PLK1: variants seen among roughly 807,000 people sequenced by gnomAD.
PLK1 encodes serine/threonine-protein kinase PLK1.
In PLK1, 6 loss-of-function variants were observed where a neutral mutation model predicts 56.7. The ratio of observed to expected loss-of-function variants is 0.11; its 90% CI spans 0.06 to 0.21. PLK1 has a LOEUF of 0.21. Among genes scored for constraint, PLK1 ranks in the 10% least tolerant of loss-of-function variants. The pLI, the probability that PLK1 is intolerant of heterozygous loss-of-function variation, is 1.00. For missense variants in PLK1, 546 were observed against 814.4 expected, an observed-to-expected ratio of 0.67 and a Z score of 4.01; for synonymous variants, 298 against 325.0, an observed-to-expected ratio of 0.92 and a Z score of 0.89.
intron 5 of PLK1, 88 bp from the exon 6 acceptor site, chr16:23,687,381 T>C: frequency 8.8e-7 from 1 of 1,136,002 alleles, no homozygotes; most frequent in Non-Finnish European, 1.2e-6. Flanking sequence ...CAGTGGTAGC[T>C]AAGAGAATTT....
intron 6 of PLK1, 65 bp downstream of exon 6, chr16:23,687,689 G>C (rs1243476896): frequency 7.8e-7 from 1 of 1,288,172 alleles, no homozygotes; most frequent in Non-Finnish European, 1.1e-6. Flanking sequence ...GCAGGAGGAG[G>C]CTTGGCCAAC....
chr16:23,683,932 C>G lies in PLK1; in HGVS notation c.879C>G (p.Arg293=). 2 of 1,614,150 alleles carry G rather than the reference C, an allele frequency of 1.2e-6. No individual in the cohort carries two copies. The highest frequency in any genetic ancestry group is 1.7e-6 in the Non-Finnish European group (2 of 1,180,006). The stretch of plus-strand genomic sequence containing the variant: ...TGCTTCAGACAGATCCCACTGCCCG[C>G]CCAACCATTAACGAGCTGCTTAATG... ...QKMLQTDPTA[R]PTINELLNDE... Residue 293 remains arginine, a synonymous_variant, in exon 5 of 10, where the codon CGC becomes CGG. Transcript: ENST00000300093.
At position 23,681,044 on chromosome 16, in the gene PLK1, C is replaced by A. The variant is rs372370451; in HGVS notation, c.708C>A (p.Ser236=). ...KGHSFEVDVW[S]IGCIMYTLLV... ...ACAGTTTCGAGGTGGATGTGTGGTC[C>A]ATTGGGTGTATCATGTAAGTTGGGA... Residue 236 remains serine (S), a synonymous_variant, in exon 3 of 10, where the codon TCC becomes TCA. Transcript: ENST00000300093. 3.1e-6 allele frequency: 5 copies of A among 1,612,924 alleles called. No homozygotes were observed. Among genetic ancestry groups the A allele is most frequent in the Non-Finnish European group, 3.4e-6 (4 of 1,179,590 alleles).
At chr16:23,687,820 T>C (rs773745570) in intron 6 of PLK1, 196 bp downstream of exon 6, 3 of 394,668 alleles carry the variant, frequency 7.6e-6, no homozygotes, top group Non-Finnish European at 1.3e-5. Context: ...TTTTTTACTC[T>C]AGCACCTCGA....
At chr16:23,680,857 A>G in intron 2 of PLK1, 57 bp from the exon 3 acceptor site, 5 of 1,551,878 alleles carry the variant, frequency 3.2e-6, no homozygotes, top group Non-Finnish European at 4.4e-6. Flanking sequence ...AGCCTTCTGC[A>G]TTGACAGATG....
intron 5 of PLK1, among the ~76,000 whole-genome samples, chr16:23,685,481 T>G (rs1424925633): frequency 6.6e-6 from 1 of 151,854 alleles, no homozygotes; most frequent in Non-Finnish European, 1.5e-5. Context: ...CCGAGGTGGG[T>G]GGATTGCCCG....
chr16:23,689,471 C>G lies in PLK1; in HGVS notation c.1426-23C>G. ...GGAGGATCAGACTCTAATTCTGGAACCCCTTACCTACTTTTCATCCAGATC... is the reference window on the plus strand; with the variant it reads ...GGAGGATCAGACTCTAATTCTGGAAGCCCTTACCTACTTTTCATCCAGATC... On this transcript the variant is annotated intron_variant, in intron 8 of 9. Transcript: ENST00000300093. The surrounding 1 kb of genome is among the most constrained non-coding windows in gnomAD (Gnocchi z 4.8). The G allele has an allele frequency of 2.5e-6, 4 of 1,600,234 alleles. No individual in the cohort carries two copies. Among genetic ancestry groups the G allele is most frequent in the Non-Finnish European group, 3.4e-6 (4 of 1,168,602 alleles).
At position 23,689,789 on chromosome 16, in the gene PLK1, G is replaced by A. The variant is rs371514248; in HGVS notation, c.1609-71G>A. 2 of 1,531,512 alleles carry A rather than the reference G, an allele frequency of 1.3e-6. No homozygotes were observed. Among genetic ancestry groups the A allele is most frequent in the Non-Finnish European group, 1.8e-6 (2 of 1,110,614 alleles). The allele number at this position is 1,531,512 out of a possible 1,614,324, so 94.9% of individuals were successfully genotyped here. On this transcript the variant is annotated intron_variant, in intron 9 of 9. Coordinates refer to ENST00000300093, the MANE Select transcript of PLK1 (RefSeq NM_005030.6). The surrounding 1 kb of genome is among the most constrained non-coding windows in gnomAD (Gnocchi z 4.8). ...GCGGCTCAGGTACCTATAACCTGTT[G>A]TGTCTTCCCTCTACTCCCTAACATA...
chr16:23,684,415 C>T (rs1419736850), intron 5 of PLK1, among the ~76,000 whole-genome samples: 2 of 152,212 alleles, frequency 1.3e-5, no homozygotes, highest in Non-Finnish European at 2.9e-5. Context: ...TGCAGAGGCA[C>T]AATCACAGCT....
chr16:23,688,494 G>C (rs755705570), intron 6 of PLK1, among the ~76,000 whole-genome samples, 174 bp from the exon 7 acceptor site: 31 of 152,244 alleles, frequency 2.0e-4, no homozygotes, highest in Non-Finnish European at 2.1e-4. Flanking sequence ...GCTTGTCTGA[G>C]CCTGCTGGCA....
intron 3 of PLK1, among the ~76,000 whole-genome samples, 196 bp downstream of exon 3, chr16:23,681,254 C>T (rs1377501761): frequency 6.6e-6 from 1 of 152,182 alleles, no homozygotes; most frequent in Non-Finnish European, 1.5e-5. Flanking sequence ...ATTTCTGCAG[C>T]CTAGGTCATG....
chr16:23,689,245 G>A lies in PLK1; in HGVS notation c.1278G>A (p.Gln426=). 6.2e-7 allele frequency: 1 copy of A among 1,611,248 alleles called. No individual in the cohort carries two copies. The highest frequency in any genetic ancestry group is 2.2e-5 in the East Asian group (1 of 44,764). The change falls in exon 8 of 10, where the codon CAG becomes CAA. Residue 426 remains glutamine, a synonymous_variant. Coordinates refer to ENST00000300093, the MANE Select transcript of PLK1 (RefSeq NM_005030.6). The surrounding 1 kb of genome is among the most constrained non-coding windows in gnomAD (Gnocchi z 4.8). The part of the protein sequence containing the change: ...DYSDKYGLGY[Q]LCDNSVGVLF... ...CTCTCCACCGATCCCTAGGGTATCA[G>A]CTCTGTGATAACAGCGTGGGGGTGC...
intron 5 of PLK1, among the ~76,000 whole-genome samples, chr16:23,685,473 G>T (rs1196369661): frequency 1.3e-5 from 2 of 151,978 alleles, no homozygotes; most frequent in South Asian, 4.1e-4. Context: ...TTGGGAGGCC[G>T]AGGTGGGTGG....
Position 23,689,818 on chromosome 16 carries a change from T to G in PLK1, c.1609-42T>G. On this transcript the variant is annotated intron_variant, in intron 9 of 9. Coordinates refer to ENST00000300093, the MANE Select transcript of PLK1 (RefSeq NM_005030.6). This position sits in a 1 kb window ranked among gnomAD's most constrained non-coding sequence, Gnocchi z 4.8. Reference sequence around the variant, plus strand: ...CTTCCCTCTACTCCCTAACATACACTGGCCTCTGGGATCGCCAACCCCTGC... The same window carrying G: ...CTTCCCTCTACTCCCTAACATACACGGGCCTCTGGGATCGCCAACCCCTGC... The G allele has an allele frequency of 6.3e-7, 1 of 1,577,772 alleles. No homozygotes were observed.
At position 23,689,868 on chromosome 16, in the gene PLK1, C is replaced by G. The variant is rs1234099894; in HGVS notation, c.1617C>G (p.Thr539=). 6.2e-7 allele frequency: 1 copy of G among 1,613,862 alleles called. No homozygotes were observed. The highest frequency in any genetic ancestry group is 8.5e-7 in the Non-Finnish European group (1 of 1,179,766). Residue 539 remains threonine, a synonymous_variant, in exon 10 of 10, where the codon ACC becomes ACG. Coordinates refer to ENST00000300093, the MANE Select transcript of PLK1 (RefSeq NM_005030.6). This position sits in a 1 kb window ranked among gnomAD's most constrained non-coding sequence, Gnocchi z 4.8. Reference sequence around the variant, plus strand: ...CTGCTCTTCTCTTGCAGGATCACACCAAGCTCATCTTGTGCCCACTGATGG... The same window carrying G: ...CTGCTCTTCTCTTGCAGGATCACACGAAGCTCATCTTGTGCCCACTGATGG... ...SVQINFFQDH[T]KLILCPLMAA...
chr16:23,689,473 C>A lies in PLK1; in HGVS notation c.1426-21C>A, dbSNP rs376833092. On this transcript the variant is annotated intron_variant, in intron 8 of 9. Transcript: ENST00000300093. This position sits in a 1 kb window ranked among gnomAD's most constrained non-coding sequence, Gnocchi z 4.8. ...AGGATCAGACTCTAATTCTGGAACC[C>A]CTTACCTACTTTTCATCCAGATCAC... 3 of 1,603,012 alleles carry A rather than the reference C, an allele frequency of 1.9e-6. No homozygotes were observed. Among genetic ancestry groups the A allele is most frequent in the African/African-American group, 2.7e-5 (2 of 74,738 alleles).
Position 23,687,466 on chromosome 16 carries a change from T to TA in PLK1, c.1037-2dup. On this transcript the variant is annotated splice_polypyrimidine_tract_variant and splice_region_variant and intron_variant, in intron 5 of 9. Transcript: ENST00000300093. The stretch of plus-strand genomic sequence containing the variant: ...AACGCCCCTGTTTTTGTCACCTTCC[T>TA]AGGCTTGGAGAACCCCCTGCCTGAG... 1 of 1,566,556 alleles carries TA rather than the reference T, an allele frequency of 6.4e-7. No homozygotes were observed. The highest frequency in any genetic ancestry group is 1.4e-5 in the African/African-American group (1 of 73,810).
intron 5 of PLK1, among the ~76,000 whole-genome samples, chr16:23,685,064 A>G (rs1207002311): frequency 7.2e-6 from 1 of 139,472 alleles, no homozygotes; most frequent in African/African-American, 2.7e-5. Context: ...TTCACTAAGG[A>G]TACATAGTTT....
chr16:23,688,033 C>A (rs1033702222), intron 6 of PLK1, among the ~76,000 whole-genome samples: 3 of 152,182 alleles, frequency 2.0e-5, no homozygotes, highest in African/African-American at 7.2e-5. Context: ...GTGAGCATCT[C>A]CCTGGCCCCT....
Sources: allele counts gnomAD v4.1 joint callset (sites outside exome capture counted in the v4.1 genomes callset), GRCh38; gene constraint gnomAD v4.1.1; non-coding constraint Gnocchi (gnomAD v3.1); transcripts MANE v1.5; gene names NCBI Gene and HGNC (gene_info 2026-07-23, HGNC 2026-07-21).